Variants in SLC24A3 observed in about 807,000 individuals in gnomAD.
SLC24A3 encodes sodium/potassium/calcium exchanger 3.
A neutral mutation model predicts 75.8 loss-of-function variants in SLC24A3; 28 were observed. The observed-to-expected ratio is 0.37, with a 90% CI of 0.27 to 0.51. The LOEUF (loss-of-function observed/expected upper bound fraction) is 0.51. Among genes scored for constraint, SLC24A3 ranks in the 20% least tolerant of loss-of-function variants. SLC24A3 has a pLI of 0.94. For synonymous variants in SLC24A3, 372 were observed against 334.1 expected, an observed-to-expected ratio of 1.11 and a Z score of -1.24; for missense variants, 663 against 847.8, an observed-to-expected ratio of 0.78 and a Z score of 2.71.
At chr20:19,259,725 A>G (rs966689802) in intron 1 of SLC24A3, among the ~76,000 whole-genome samples, 3 of 152,220 alleles carry the variant, frequency 2.0e-5, no homozygotes, top group Non-Finnish European at 2.9e-5. Flanking sequence ...CCCCAACATT[A>G]TATATGAAAA....
At position 19,632,696 on chromosome 20, in the gene SLC24A3, C is replaced by A. The variant is rs1204533753; in HGVS notation, c.613-21366C>A. On this transcript the variant is annotated intron_variant, in intron 6 of 16. Transcript: ENST00000328041. ...TGTGTTTTTATAGGAGACCATCAAA[C>A]AGATTGTATACACCACCACTGAGCT... Among the ~76,000 whole-genome samples the A allele has an allele frequency of 3.3e-5, 5 of 152,288 alleles. No individual in the cohort carries two copies. The South Asian group carries it at 1.0e-3, about 32-fold the overall frequency.
intron 2 of SLC24A3, among the ~76,000 whole-genome samples, chr20:19,469,820 T>C (rs1034192532): frequency 6.6e-6 from 1 of 152,176 alleles, no homozygotes; most frequent in Non-Finnish European, 1.5e-5. Context: ...CATCACTTTA[T>C]GAATATTGGC....
At chr20:19,616,692 G>A (rs2122669915) in intron 6 of SLC24A3, among the ~76,000 whole-genome samples, 1 of 152,212 alleles carries the variant, frequency 6.6e-6, no homozygotes, top group African/African-American at 2.4e-5. Flanking sequence ...GACATGGGAA[G>A]ATCTAGGGGC....
chr20:19,575,008 G>A (rs1251076227), intron 3 of SLC24A3, among the ~76,000 whole-genome samples: 3 of 152,012 alleles, frequency 2.0e-5, no homozygotes, highest in South Asian at 2.1e-4. Flanking sequence ...CCAGCACTTT[G>A]GGAGGCCCAA....
chr20:19,338,735 C>G (rs1310103740), intron 2 of SLC24A3, among the ~76,000 whole-genome samples: 3 of 152,102 alleles, frequency 2.0e-5, no homozygotes, highest in Non-Finnish European at 2.9e-5. Flanking sequence ...GGTTTTACAT[C>G]AATAGAATAG....
intron 2 of SLC24A3, among the ~76,000 whole-genome samples, chr20:19,343,194 G>A (rs1473946545): frequency 6.6e-6 from 1 of 152,102 alleles, no homozygotes; most frequent in Admixed American, 6.6e-5. Flanking sequence ...GGAACTGGCT[G>A]GCTGTTCCAG....
chr20:19,569,099 G>T (rs1214083830), intron 3 of SLC24A3, among the ~76,000 whole-genome samples: 1 of 152,138 alleles, frequency 6.6e-6, no homozygotes, highest in Admixed American at 6.5e-5. Context: ...AACCCTTGTG[G>T]GAGGTCAGAC....
chr20:19,428,289 G>C (rs1987046495), intron 2 of SLC24A3, among the ~76,000 whole-genome samples: 1 of 152,144 alleles, frequency 6.6e-6, no homozygotes, highest in Non-Finnish European at 1.5e-5. Context: ...AATTCAATCA[G>C]TGTGCTTATT....
chr20:19,348,636 G>A (rs1464746041), intron 2 of SLC24A3, among the ~76,000 whole-genome samples: 1 of 152,076 alleles, frequency 6.6e-6, no homozygotes, highest in African/African-American at 2.4e-5. Flanking sequence ...CTAACATCAT[G>A]TTGTATCTCT....
intron 2 of SLC24A3, among the ~76,000 whole-genome samples, chr20:19,440,627 T>G (rs76902924): frequency 0.011 from 1,648 of 149,492 alleles, 29 homozygotes; most frequent in African/African-American, 0.039. Context: ...AAACAGTTCC[T>G]GGAGGAGAGG....
intron 2 of SLC24A3, among the ~76,000 whole-genome samples, chr20:19,368,060 T>G (rs922985461): frequency 6.6e-6 from 1 of 152,200 alleles, no homozygotes; most frequent in African/African-American, 2.4e-5. Context: ...CAGGTAGTTA[T>G]TGAAGTAAAG....
chr20:19,562,136 G>A (rs1009723155), intron 3 of SLC24A3, among the ~76,000 whole-genome samples: 5 of 152,076 alleles, frequency 3.3e-5, no homozygotes, highest in Admixed American at 3.3e-4. Flanking sequence ...TGCTTCTTCT[G>A]AGCCCTGGGG....
chr20:19,576,224 T>C (rs1329964073), intron 3 of SLC24A3, among the ~76,000 whole-genome samples: 5 of 152,204 alleles, frequency 3.3e-5, no homozygotes, highest in Admixed American at 6.5e-5. Flanking sequence ...GATATTAATA[T>C]ATCCTTTGAA....
intron 6 of SLC24A3, among the ~76,000 whole-genome samples, chr20:19,610,586 T>G (rs1001079745): frequency 1.3e-5 from 2 of 152,202 alleles, no homozygotes; most frequent in Admixed American, 1.3e-4. Flanking sequence ...AGTTAATTTA[T>G]TTGGGATAGG....
intron 6 of SLC24A3, among the ~76,000 whole-genome samples, chr20:19,596,029 AGAG>A (rs2031448250): frequency 6.6e-6 from 1 of 152,136 alleles, no homozygotes; most frequent in African/African-American, 2.4e-5. Context: ...GGGAGTGCTC[AGAG>A]AGGTGGTAGC....
chr20:19,670,759 A>C (rs1206999043), intron 8 of SLC24A3, among the ~76,000 whole-genome samples: 1 of 152,212 alleles, frequency 6.6e-6, no homozygotes, highest in African/African-American at 2.4e-5. Context: ...TGAGATAAGA[A>C]CTATGTTCAG....
At chr20:19,367,019 C>T (rs924421342) in intron 2 of SLC24A3, among the ~76,000 whole-genome samples, 17 of 152,294 alleles carry the variant, frequency 1.1e-4, no homozygotes, top group South Asian at 4.1e-4. Context: ...ATTGTGATGG[C>T]GGAAATATTC....
At chr20:19,442,835 T>G (rs1174774409) in intron 2 of SLC24A3, among the ~76,000 whole-genome samples, 1 of 152,220 alleles carries the variant, frequency 6.6e-6, no homozygotes, top group Non-Finnish European at 1.5e-5. Flanking sequence ...GCATTTTACT[T>G]TTGGTCTATG....
chr20:19,662,864 T>C (rs2032345766), intron 7 of SLC24A3, among the ~76,000 whole-genome samples: 2 of 152,220 alleles, frequency 1.3e-5, no homozygotes, highest in Non-Finnish European at 2.9e-5. Flanking sequence ...TAGAGTTTTC[T>C]GAGGGAGCGA....
Sources: allele counts gnomAD v4.1 joint callset (sites outside exome capture counted in the v4.1 genomes callset), GRCh38; gene constraint gnomAD v4.1.1; transcripts MANE v1.5; gene names NCBI Gene and HGNC (gene_info 2026-07-23, HGNC 2026-07-21).